C16orf96: variants seen among roughly 807,000 people sequenced by gnomAD.
The protein encoded by C16orf96 is chromosome 16 open reading frame 96, also known as uncharacterized protein C16orf96.
C16orf96 carries 108 observed loss-of-function variants against 103.6 expected under a neutral mutation model. That is an observed-to-expected ratio of 1.04 (90% CI 0.89 to 1.22). The LOEUF is 1.22. C16orf96 is among the 50% of genes most tolerant of loss of function. The pLI is 0.00. For synonymous variants in C16orf96, 566 were observed against 593.5 expected, an observed-to-expected ratio of 0.95 and a Z score of 0.67; for missense variants, 1,586 against 1,464.2, an observed-to-expected ratio of 1.08 and a Z score of -1.36.
At chr16:4,559,821 T>C (rs946682470) in intron 1 of C16orf96, among the ~76,000 whole-genome samples, 1 of 152,118 alleles carries the variant, frequency 6.6e-6, no homozygotes, top group Non-Finnish European at 1.5e-5. Flanking sequence ...TTGCCTATTC[T>C]GGACATTTCA....
chr16:4,574,926 GC>G (rs2059482894), intron 3 of C16orf96, 45 bp from the exon 4 acceptor site: 1 of 1,534,522 alleles, frequency 6.5e-7, no homozygotes, highest in African/African-American at 1.4e-5. Flanking sequence ...GGGGGACACT[GC>G]CCCCTCCAGG....
chr16:4,562,418 CTAT>C (rs1260450445), intron 1 of C16orf96, among the ~76,000 whole-genome samples: 4 of 145,050 alleles, frequency 2.8e-5, no homozygotes, highest in Non-Finnish European at 4.5e-5. Flanking sequence ...CTGCAGTGAG[CTAT>C]TATTAATATT....
upstream of C16orf96, among the ~76,000 whole-genome samples, chr16:4,555,185 C>G (rs1384152934): frequency 4.7e-5 from 7 of 150,218 alleles, no homozygotes; most frequent in Admixed American, 4.7e-4. Context: ...ATCGCTTGAA[C>G]CCAGGAGGCG....
intron 6 of C16orf96, among the ~76,000 whole-genome samples, chr16:4,579,635 G>T (rs1267904798): frequency 6.7e-6 from 1 of 148,418 alleles, no homozygotes; most frequent in African/African-American, 2.5e-5. Context: ...TTTTTGAGAC[G>T]GAATCTTGCT....
In C16orf96 at chr16:4,595,633, AGTCC is replaced by A. The variant is rs1596540104; in HGVS notation, c.3127+831_3127+834del. ...AGCTACACGCCGCCCCATAAGGAGC[AGTCC>A]CGGAGCCACAAGATGGCCGGGGCCT... is the stretch of plus-strand genomic sequence containing the variant. On this transcript the variant is annotated intron_variant, in intron 14 of 15. Coordinates refer to ENST00000444310, the MANE Select transcript of C16orf96 (RefSeq NM_001145011.2). Among the ~76,000 whole-genome samples the A allele has an allele frequency of 2.0e-5, 3 of 152,340 alleles. No homozygotes were observed. The East Asian group carries it at 5.8e-4, about 29-fold the overall frequency.
In C16orf96 at chr16:4,600,277, G is replaced by A. The variant is rs761861685; in HGVS notation, c.3386G>A (p.Arg1129Gln). 6.4e-6 allele frequency: 10 copies of A among 1,550,994 alleles called. No individual in the cohort carries two copies. The highest frequency in any genetic ancestry group is 1.4e-5 in the African/African-American group (1 of 72,992). Residue 1129 changes from arginine to glutamine, a missense_variant, in exon 16 of 16, where the codon CGA (arginine) becomes CAA (glutamine). By Grantham distance (43) the Arg-to-Gln change is conservative (BLOSUM62 1). Coordinates refer to ENST00000444310, the MANE Select transcript of C16orf96 (RefSeq NM_001145011.2). ...RLSRAPHIESRVGRKPPEEPA... is the reference protein window; with the variant it reads ...RLSRAPHIESQVGRKPPEEPA... ...TCAAGAGCTCCACACATTGAGTCCC[G>A]AGTCGGCAGGAAGCCCCCCGAGGAG...
chr16:4,550,699 A>G, the C16orf96 span, among the ~76,000 whole-genome samples: 47 of 152,234 alleles, frequency 3.1e-4, 1 homozygote, highest in East Asian at 8.9e-3. Flanking sequence ...GGGCCACACA[A>G]CGCATGCCCA....
At chr16:4,567,654 T>G (rs2059396052) in intron 1 of C16orf96, among the ~76,000 whole-genome samples, 1 of 151,520 alleles carries the variant, frequency 6.6e-6, no homozygotes, top group Admixed American at 6.6e-5. Context: ...TTTTAAATTT[T>G]TACATGTTTG....
At chr16:4,578,864 G>A in intron 5 of C16orf96, 76 bp from the exon 6 acceptor site, 1 of 1,131,662 alleles carries the variant, frequency 8.8e-7, no homozygotes, top group Non-Finnish European at 1.3e-6. Flanking sequence ...TGCTCCATAA[G>A]AGAAGCAGCT....
intron 9 of C16orf96, among the ~76,000 whole-genome samples, chr16:4,588,785 C>T (rs1283143572): frequency 1.4e-5 from 2 of 143,988 alleles, no homozygotes; most frequent in Admixed American, 7.4e-5. Context: ...AATTGATCCC[C>T]ATTTCACAGA....
At position 4,576,430 on chromosome 16, in the gene C16orf96, C is replaced by T; in HGVS notation, c.1950C>T (p.Pro650=). Residue 650 remains proline, a synonymous_variant, in exon 5 of 16, where the codon CCC becomes CCT. Transcript: ENST00000444310. ...CCGAAATCTACGAAATCCTCTCTCCCTCCTACTCTGCTGCCAGCATCGGTC... is the reference window on the plus strand; with the variant it reads ...CCGAAATCTACGAAATCCTCTCTCCTTCCTACTCTGCTGCCAGCATCGGTC... ...DDSEIYEILS[P]SYSAASIGPD... is the part of the protein sequence containing the mutation. 1 of 1,551,294 alleles carries T rather than the reference C, an allele frequency of 6.4e-7. No homozygotes were observed. The highest frequency in any genetic ancestry group is 1.2e-5 in the South Asian group (1 of 84,066).
upstream of C16orf96, among the ~76,000 whole-genome samples, chr16:4,552,139 T>C (rs533413016): frequency 6.6e-6 from 1 of 152,296 alleles, no homozygotes; most frequent in Admixed American, 6.5e-5. Context: ...TAGCAATGGT[T>C]TCATACAGCA....
intron 1 of C16orf96, among the ~76,000 whole-genome samples, chr16:4,565,520 GC>G (rs1186992110): frequency 1.3e-5 from 2 of 152,184 alleles, no homozygotes; most frequent in African/African-American, 4.8e-5. Flanking sequence ...AGGGAGTCTG[GC>G]TCTGGCGCCC....
Position 4,578,916 on chromosome 16 carries a change from A to T in C16orf96, c.2156-24A>T, listed in dbSNP as rs78372610. The T allele has an allele frequency of 6.2e-4, 962 of 1,545,208 alleles. 22 individuals are homozygous for T. The East Asian group carries it at 0.022, about 36-fold the overall frequency. ...ATCTTCCTCCATCCGAGCCCTCAGCAGCCACCCTGTCCTCTGCTTTCAGCC... is the reference window on the plus strand; with the variant it reads ...ATCTTCCTCCATCCGAGCCCTCAGCTGCCACCCTGTCCTCTGCTTTCAGCC... On this transcript the variant is annotated intron_variant, in intron 5 of 15. Transcript: ENST00000444310.
chr16:4,599,151 T>A, intron 14 of C16orf96, 133 bp from the exon 15 acceptor site: 2 of 683,074 alleles, frequency 2.9e-6, no homozygotes, highest in Non-Finnish European at 5.0e-6. Context: ...GATTATCCCA[T>A]AAAGGAATGG....
In C16orf96 at chr16:4,588,300, T is replaced by C. The variant is rs1896976869; in HGVS notation, c.2561T>C (p.Met854Thr). ...TIHEDSWKKA[M>T]EELSKDVNTK... ...CATGAGGACAGCTGGAAGAAGGCTA[T>C]GGAGGAGCTCAGCAAGGACGTGAAC... The change falls in exon 9 of 16, where the codon ATG (methionine) becomes ACG (threonine). Residue 854 changes from methionine (M) to threonine (T), a missense_variant. By Grantham distance (81) the Met-to-Thr change is moderately conservative (BLOSUM62 -1). Transcript: ENST00000444310. The C allele has an allele frequency of 1.3e-6, 2 of 1,551,572 alleles. No homozygotes were observed. Among genetic ancestry groups the C allele is most frequent in the African/African-American group, 1.4e-5 (1 of 73,064 alleles).
At chr16:4,573,403 C>T (rs2059461032) in intron 2 of C16orf96, among the ~76,000 whole-genome samples, 1 of 141,306 alleles carries the variant, frequency 7.1e-6, no homozygotes, top group South Asian at 2.3e-4. Flanking sequence ...TGCGCCACTG[C>T]ACTCCAGCCT....
the C16orf96 span, among the ~76,000 whole-genome samples, chr16:4,541,159 G>A: frequency 3.3e-5 from 5 of 152,032 alleles, no homozygotes; most frequent in South Asian, 4.2e-4. Context: ...TGATCCGCCC[G>A]CCTCTGCCTC....
chr16:4,573,492 C>G (rs1262617759), intron 2 of C16orf96, among the ~76,000 whole-genome samples: 1 of 149,108 alleles, frequency 6.7e-6, no homozygotes, highest in Non-Finnish European at 1.5e-5. Flanking sequence ...GTGGTTCACG[C>G]CTGTAATCTC....
Sources: gnomAD v4.1 joint callset for allele counts (sites outside exome capture counted in the v4.1 genomes callset) on GRCh38, gnomAD v4.1.1 for gene constraint, MANE v1.5 for transcripts, NCBI Gene and HGNC (gene_info 2026-07-23, HGNC 2026-07-21) for gene names.